Variants in BTG3 observed in about 807,000 individuals in gnomAD.
BTG3 encodes the protein protein BTG3.
BTG3 carries 4 observed loss-of-function variants against 25.8 expected under a neutral mutation model. The ratio of observed to expected loss-of-function variants is 0.16; its 90% CI spans 0.08 to 0.36. The LOEUF (loss-of-function observed/expected upper bound fraction) is 0.36. BTG3 is among the 10% of genes least tolerant of loss of function. The pLI is 1.00. For missense variants in BTG3, 201 were observed against 304.9 expected (o/e 0.66, Z 2.54); for synonymous variants, 107 against 99.9 (o/e 1.07, Z -0.42).
At chr21:17,606,182 T>G (rs1453776636) in intron 2 of BTG3, among the ~76,000 whole-genome samples, 1 of 152,170 alleles carries the variant, frequency 6.6e-6, no homozygotes, top group African/African-American at 2.4e-5. Flanking sequence ...TTAATTCTCA[T>G]GATCATCCTG....
In BTG3 at chr21:17,594,256, T is replaced by C. The variant is rs1437851769; in HGVS notation, c.596A>G (p.Asn199Ser). Reference sequence around the variant, plus strand: ...AGGAGGATAGTGATTCTGATGGCCATTCCCTCGATACATTCCTGGCTTTTT... The same window carrying C: ...AGGAGGATAGTGATTCTGATGGCCACTCCCTCGATACATTCCTGGCTTTTT... ...PRKKPGMYRG[N>S]GHQNHYPPPV... Residue 199 changes from asparagine (N) to serine (S), a missense_variant, in exon 5 of 5, where the codon AAT (asparagine) becomes AGT (serine). Physicochemically the swap from Asn to Ser is conservative, Grantham distance 46. This residue lies in a region of BTG3 where 131 missense variants were observed against 129.3 expected (regional missense o/e 1.01). Transcript: ENST00000348354. 3 of 1,612,088 alleles carry C rather than the reference T, an allele frequency of 1.9e-6. No individual in the cohort carries two copies. Among genetic ancestry groups the C allele is most frequent in the South Asian group, 2.2e-5 (2 of 91,030 alleles).
At chr21:17,594,485 CAT>C (rs1318961955) in intron 4 of BTG3, among the ~76,000 whole-genome samples, 153 bp from the exon 5 acceptor site, 5 of 152,056 alleles carry the variant, frequency 3.3e-5, no homozygotes, top group African/African-American at 4.8e-5. Context: ...TTAAAAACCT[CAT>C]GTGTAATAGG....
chr21:17,602,062 G>C (rs1391872372), intron 3 of BTG3, among the ~76,000 whole-genome samples: 1 of 151,528 alleles, frequency 6.6e-6, no homozygotes, highest in Admixed American at 6.6e-5. Context: ...ATTTTTCAAT[G>C]ATCACTGATA....
At chr21:17,601,803 A>G (rs2061577766) in intron 3 of BTG3, among the ~76,000 whole-genome samples, 1 of 152,220 alleles carries the variant, frequency 6.6e-6, no homozygotes, top group East Asian at 1.9e-4. Flanking sequence ...GAAATTTGAG[A>G]AAAATTCCTG....
intron 4 of BTG3, among the ~76,000 whole-genome samples, chr21:17,596,063 A>G (rs181801471): frequency 6.6e-6 from 1 of 152,114 alleles, no homozygotes; most frequent in Admixed American, 6.5e-5. Flanking sequence ...GTGTTTATTC[A>G]CATCTTTTGC....
intron 1 of BTG3, among the ~76,000 whole-genome samples, chr21:17,610,312 G>T (rs1231421014): frequency 1.3e-5 from 2 of 152,134 alleles, no homozygotes; most frequent in African/African-American, 4.8e-5. Flanking sequence ...TTAAATGGGT[G>T]AATTGCATGG....
intron 3 of BTG3, chr21:17,599,057 C>A: frequency 2.6e-6 from 1 of 382,482 alleles, no homozygotes. Context: ...ATTTTCTTTC[C>A]CTTATTTTCT....
intron 2 of BTG3, 127 bp from the exon 3 acceptor site, chr21:17,605,124 G>C: frequency 9.4e-7 from 1 of 1,068,166 alleles, no homozygotes; most frequent in Non-Finnish European, 1.3e-6. Flanking sequence ...AGAGAACCTA[G>C]GAGCATATCT....
chr21:17,608,556 C>CT (rs374963701), intron 2 of BTG3, among the ~76,000 whole-genome samples: 136 of 145,980 alleles, frequency 9.3e-4, no homozygotes, highest in South Asian at 2.0e-3. Context: ...TTTTTCCATA[C>CT]TTTTTTTTTT....
At chr21:17,605,943 G>C (rs1233247227) in intron 2 of BTG3, among the ~76,000 whole-genome samples, 1 of 152,066 alleles carries the variant, frequency 6.6e-6, no homozygotes, top group Non-Finnish European at 1.5e-5. Flanking sequence ...GTTAATTGAT[G>C]AATAGTAATT....
intron 2 of BTG3, among the ~76,000 whole-genome samples, chr21:17,608,572 A>G (rs1170498483): frequency 6.6e-6 from 1 of 151,672 alleles, no homozygotes; most frequent in East Asian, 1.9e-4. Flanking sequence ...TTTTTTTCAA[A>G]GAACATATAA....
chr21:17,599,574 T>A (rs2061546847), intron 3 of BTG3, among the ~76,000 whole-genome samples: 1 of 149,874 alleles, frequency 6.7e-6, no homozygotes, highest in African/African-American at 2.5e-5. Context: ...ACCTCCCAGG[T>A]GTTCAAGTGA....
rs149499609 is a variant in BTG3, at chr21:17,595,890, A to G, written c.520-1558T>C. ...TTCCAAAGTAGTGGTACTATTTTACATGACTAGCAAGTTTATGAATCTAGC... is the reference window on the plus strand; with the variant it reads ...TTCCAAAGTAGTGGTACTATTTTACGTGACTAGCAAGTTTATGAATCTAGC... On this transcript the variant is annotated intron_variant, in intron 4 of 4. Transcript: ENST00000348354. 3.5e-3 allele frequency among the ~76,000 whole-genome samples: 537 copies of G among 152,164 alleles called. 3 individuals carry two copies. The highest frequency in any genetic ancestry group is 6.0e-3 in the Non-Finnish European group (405 of 67,910).
chr21:17,606,897 C>G (rs573401606), intron 2 of BTG3, among the ~76,000 whole-genome samples: 5 of 152,036 alleles, frequency 3.3e-5, no homozygotes, highest in African/African-American at 1.2e-4. Context: ...ACTTACTGTT[C>G]AAAAGGTATG....
At chr21:17,605,095 A>G (rs2061621827) in intron 2 of BTG3, 98 bp from the exon 3 acceptor site, 2 of 1,318,722 alleles carry the variant, frequency 1.5e-6, no homozygotes, top group African/African-American at 1.5e-5. Context: ...ATAAAATAGT[A>G]ATAAAAAAAT....
intron 4 of BTG3, among the ~76,000 whole-genome samples, 167 bp from the exon 5 acceptor site, chr21:17,594,499 G>A (rs776165689): frequency 3.8e-4 from 58 of 152,042 alleles, no homozygotes; most frequent in Non-Finnish European, 7.8e-4. Flanking sequence ...TGTAATAGGC[G>A]TATAATGTAT....
chr21:17,605,061 T>G, intron 2 of BTG3, 64 bp from the exon 3 acceptor site: 2 of 1,542,974 alleles, frequency 1.3e-6, no homozygotes, highest in Non-Finnish European at 1.8e-6. Flanking sequence ...CCGTAATATC[T>G]ATTCATACTT....
In BTG3 at chr21:17,594,064, A is replaced by G; in HGVS notation, c.*29T>C. The G allele has an allele frequency of 6.2e-7, 1 of 1,603,820 alleles. No homozygotes were observed. Among genetic ancestry groups the G allele is most frequent in the Non-Finnish European group, 8.5e-7 (1 of 1,174,754 alleles). On this transcript the variant is annotated 3_prime_UTR_variant, in exon 5 of 5. Transcript: ENST00000348354. ...TAAGGTTTATTCTACCTTTTTCTCA[A>G]CATGACACCAACACAATCAAAAACG...
intron 4 of BTG3, among the ~76,000 whole-genome samples, chr21:17,595,157 A>G (rs192102241): frequency 2.1e-3 from 314 of 152,180 alleles, no homozygotes; most frequent in African/African-American, 7.0e-3. Flanking sequence ...ATAGTTTTAG[A>G]TTATCCCATA....
Sources: gnomAD v4.1 joint callset for allele counts (sites outside exome capture counted in the v4.1 genomes callset) on GRCh38, gnomAD v4.1.1 for gene constraint, gnomAD v4.1.1 regional missense constraint, MANE v1.5 for transcripts, NCBI Gene and HGNC (gene_info 2026-07-23, HGNC 2026-07-21) for gene names.